Variants in TMPRSS11A observed in about 807,000 individuals in gnomAD.
TMPRSS11A encodes transmembrane serine protease 11A.
TMPRSS11A carries 53 observed loss-of-function variants against 58.9 expected under a neutral mutation model. The observed-to-expected ratio is 0.90, with a 90% CI of 0.72 to 1.13. The LOEUF is 1.13. Ranked by LOEUF, TMPRSS11A falls within the 50% of genes most tolerant of loss-of-function variation. The pLI is 0.00. For missense variants in TMPRSS11A, 493 were observed against 499.3 expected, an observed-to-expected ratio of 0.99 and a Z score of 0.12; for synonymous variants, 167 against 169.8, an observed-to-expected ratio of 0.98 and a Z score of 0.13.
At chr4:67,959,570 C>G (rs746210536) in intron 1 of TMPRSS11A, among the ~76,000 whole-genome samples, 1 of 152,144 alleles carries the variant, frequency 6.6e-6, no homozygotes, top group Non-Finnish European at 1.5e-5. Flanking sequence ...AGAAGACATA[C>G]AGGTGGACAA....
intron 3 of TMPRSS11A, among the ~76,000 whole-genome samples, chr4:67,942,922 T>G (rs1720914956): frequency 6.6e-6 from 1 of 152,128 alleles, no homozygotes; most frequent in African/African-American, 2.4e-5. Flanking sequence ...CAAAAGTGAT[T>G]TATAACACAA....
At chr4:67,959,378 A>C (rs560428976) in intron 1 of TMPRSS11A, among the ~76,000 whole-genome samples, 5 of 152,204 alleles carry the variant, frequency 3.3e-5, no homozygotes, top group African/African-American at 1.2e-4. Flanking sequence ...ACTAAAGAGT[A>C]TCTGCACAGC....
intron 1 of TMPRSS11A, among the ~76,000 whole-genome samples, chr4:67,962,604 A>G (rs1420982199): frequency 6.6e-6 from 1 of 152,206 alleles, no homozygotes; most frequent in African/African-American, 2.4e-5. Flanking sequence ...CTTGGCTATT[A>G]AAGGAAATAA....
At chr4:67,961,068 C>G (rs1721410152) in intron 1 of TMPRSS11A, among the ~76,000 whole-genome samples, 2 of 152,180 alleles carry the variant, frequency 1.3e-5, no homozygotes, top group Non-Finnish European at 2.9e-5. Flanking sequence ...CAAACAGATT[C>G]ACACCAAAAC....
intron 3 of TMPRSS11A, among the ~76,000 whole-genome samples, chr4:67,935,072 C>T (rs1485419966): frequency 6.6e-6 from 1 of 152,090 alleles, no homozygotes; most frequent in Non-Finnish European, 1.5e-5. Context: ...GAGTAACATG[C>T]AAAGGATATT....
At chr4:67,931,268 C>T (rs1163914237) in intron 4 of TMPRSS11A, among the ~76,000 whole-genome samples, 3 of 152,014 alleles carry the variant, frequency 2.0e-5, no homozygotes, top group Non-Finnish European at 4.4e-5. Flanking sequence ...GTACACCTGC[C>T]AACAAAGCAT....
chr4:67,962,680 G>T (rs1054084532), intron 1 of TMPRSS11A, among the ~76,000 whole-genome samples: 4 of 152,146 alleles, frequency 2.6e-5, no homozygotes, highest in Non-Finnish European at 5.9e-5. Flanking sequence ...TATCATCATG[G>T]CTGTTTAAAA....
chr4:67,924,074 A>T (rs1720400651), intron 6 of TMPRSS11A, 54 bp downstream of exon 6: 2 of 1,456,302 alleles, frequency 1.4e-6, no homozygotes, highest in African/African-American at 1.4e-5. Flanking sequence ...ATATTTGAAA[A>T]TGTCCTTTCT....
Position 67,946,434 on chromosome 4 carries a change from C to A in TMPRSS11A, c.133+16G>T, listed in dbSNP as rs777981644. 1.3e-6 allele frequency: 2 copies of A among 1,579,864 alleles called. No individual in the cohort carries two copies. Among genetic ancestry groups the A allele is most frequent in the African/African-American group, 1.4e-5 (1 of 72,926 alleles). The stretch of plus-strand genomic sequence containing the variant: ...AAAATAAAATCAAATAGAGTGAAAT[C>A]TTTAATTTTACCTACCAAATACTAG... On this transcript the variant is annotated intron_variant, in intron 2 of 9. Transcript: ENST00000508048.
intron 7 of TMPRSS11A, among the ~76,000 whole-genome samples, chr4:67,920,524 T>C (rs1030166886): frequency 4.3e-5 from 4 of 92,426 alleles, no homozygotes; most frequent in Non-Finnish European, 8.6e-5. Context: ...AAAAATGAGG[T>C]AATTATATAT....
intron 7 of TMPRSS11A, among the ~76,000 whole-genome samples, chr4:67,919,765 C>A (rs1720269635): frequency 6.6e-6 from 1 of 152,144 alleles, no homozygotes; most frequent in Non-Finnish European, 1.5e-5. Context: ...AAAAGAGGGT[C>A]AGTGTGAGGA....
At chr4:67,937,752 G>T (rs928458336) in intron 3 of TMPRSS11A, among the ~76,000 whole-genome samples, 13 of 152,030 alleles carry the variant, frequency 8.6e-5, no homozygotes, top group African/African-American at 3.1e-4. Context: ...GTATTCCATG[G>T]TATATATAGA....
intron 3 of TMPRSS11A, among the ~76,000 whole-genome samples, chr4:67,941,704 G>T (rs963862906): frequency 6.6e-6 from 1 of 152,136 alleles, no homozygotes; most frequent in Admixed American, 6.5e-5. Context: ...TTAAAAAACT[G>T]AATCTACCTA....
At chr4:67,918,541 GAAAT>G (rs1720221048) in intron 8 of TMPRSS11A, among the ~76,000 whole-genome samples, 2 of 152,142 alleles carry the variant, frequency 1.3e-5, no homozygotes, top group South Asian at 4.1e-4. Flanking sequence ...GCAAAGAAAA[GAAAT>G]AAATATTCCT....
At chr4:67,932,706 G>A (rs1232767107) in intron 3 of TMPRSS11A, among the ~76,000 whole-genome samples, 2 of 152,106 alleles carry the variant, frequency 1.3e-5, no homozygotes, top group African/African-American at 4.8e-5. Context: ...CTTGTAAGGT[G>A]TAAGGAGGAG....
At chr4:67,935,323 G>C (rs1171320403) in intron 3 of TMPRSS11A, among the ~76,000 whole-genome samples, 2 of 152,168 alleles carry the variant, frequency 1.3e-5, no homozygotes, top group Non-Finnish European at 1.5e-5. Context: ...CTCTCAGGCT[G>C]TTCCTTTGGT....
chr4:67,920,551 T>TA (rs58054364), intron 7 of TMPRSS11A, among the ~76,000 whole-genome samples: 106 of 80,058 alleles, frequency 1.3e-3, no homozygotes, highest in African/African-American at 3.3e-3. Context: ...ATATATATAT[T>TA]TTTTTTTATA....
intron 9 of TMPRSS11A, among the ~76,000 whole-genome samples, chr4:67,912,569 A>G (rs1379121226): frequency 6.6e-6 from 1 of 152,112 alleles, no homozygotes; most frequent in African/African-American, 2.4e-5. Context: ...TAAACTTCTT[A>G]ATTCCACCCT....
intron 1 of TMPRSS11A, among the ~76,000 whole-genome samples, chr4:67,960,651 A>G (rs940330806): frequency 6.6e-6 from 1 of 152,238 alleles, no homozygotes; most frequent in Non-Finnish European, 1.5e-5. Flanking sequence ...AGTAACTAAC[A>G]TGGTGAGTTT....
Sources: allele counts gnomAD v4.1 joint callset (sites outside exome capture counted in the v4.1 genomes callset), GRCh38; gene constraint gnomAD v4.1.1; transcripts MANE v1.5; gene names NCBI Gene and HGNC (gene_info 2026-07-23, HGNC 2026-07-21).